Variants in NAV3 observed in about 807,000 individuals in gnomAD.
NAV3 encodes pore membrane and/or filament interacting like protein 1.
A neutral mutation model predicts 244.7 loss-of-function variants in NAV3; 87 were observed. The ratio of observed to expected loss-of-function variants is 0.36; its 90% CI spans 0.30 to 0.42. The LOEUF is 0.42. Among genes scored for constraint, NAV3 ranks in the 20% least tolerant of loss-of-function variants. NAV3 has a pLI of 1.00. For synonymous variants in NAV3, 1,126 were observed against 1,042.2 expected (o/e 1.08, Z -1.55); for missense variants, 2,663 against 2,893.3 (o/e 0.92, Z 1.83).
At chr12:77,892,668 G>T (rs995631406) in intron 1 of NAV3, among the ~76,000 whole-genome samples, 1 of 152,094 alleles carries the variant, frequency 6.6e-6, no homozygotes, top group East Asian at 1.9e-4. Context: ...ACCCACCTTG[G>T]CCTCTCAACG....
intron 2 of NAV3, among the ~76,000 whole-genome samples, chr12:77,750,995 C>T (rs1276675942): frequency 6.6e-6 from 1 of 152,172 alleles, no homozygotes; most frequent in Non-Finnish European, 1.5e-5. Flanking sequence ...TCACAACTAA[C>T]TGTGAGAATT....
At position 78,007,113 on chromosome 12, in the gene NAV3, T is replaced by G; in HGVS notation, c.1575T>G (p.Ser525Arg). 6.2e-7 allele frequency: 1 copy of G among 1,614,074 alleles called. No individual in the cohort carries two copies. The highest frequency in any genetic ancestry group is 8.5e-7 in the Non-Finnish European group (1 of 1,180,024). ...AGGAAAGCTTAATTCCGTCTTCCAG[T>G]GGTATTCCAAAACCAGGCTCTAAAG... ...AKKESLIPSS[S>R]GIPKPGSKVP... Residue 525 changes from serine to arginine, a missense_variant, in exon 8 of 40, where the codon AGT becomes AGG. Ser to Arg is a moderately radical substitution (Grantham distance 110). Around this residue, in one of 6 missense-constraint regions of NAV3, gnomAD observed 1,521 missense variants for 1,497.0 expected, o/e 1.02. Coordinates refer to ENST00000397909, the MANE Select transcript of NAV3 (RefSeq NM_001024383.2).
In NAV3 at chr12:77,927,510, C is replaced by T. The variant is rs190279679; in HGVS notation, c.244-12809C>T. ...GTTTTAGAATCTTCATCTTTAAAAA[C>T]GGAATAGTGGTACCTTCCTCTTAGG... On this transcript the variant is annotated intron_variant, in intron 1 of 39. Transcript: ENST00000397909. Among the ~76,000 whole-genome samples the T allele has an allele frequency of 5.3e-5, 8 of 152,284 alleles. No individual in the cohort carries two copies. The East Asian group carries it at 1.2e-3, about 22-fold the overall frequency.
At chr12:77,616,329 T>A (rs111379775) in intron 2 of NAV3, among the ~76,000 whole-genome samples, 6,122 of 152,002 alleles carry the variant, frequency 0.04, 239 homozygotes, top group African/African-American at 0.1. Flanking sequence ...ATCACTTGAA[T>A]AGGGAGGCAG....
At chr12:77,977,811 G>A (rs1868789128) in intron 5 of NAV3, among the ~76,000 whole-genome samples, 1 of 151,630 alleles carries the variant, frequency 6.6e-6, no homozygotes, top group Admixed American at 6.6e-5. Flanking sequence ...CTGAAAGTCT[G>A]GTAAAAGTTG....
At chr12:77,957,555 C>A (rs1891478903) in intron 3 of NAV3, among the ~76,000 whole-genome samples, 1 of 152,110 alleles carries the variant, frequency 6.6e-6, no homozygotes, top group South Asian at 2.1e-4. Context: ...TGCTAAAAGG[C>A]TGGCTGTAAT....
intron 1 of NAV3, among the ~76,000 whole-genome samples, chr12:77,866,202 A>C (rs1879994083): frequency 6.6e-6 from 1 of 152,240 alleles, no homozygotes; most frequent in African/African-American, 2.4e-5. Flanking sequence ...AAATTGATAA[A>C]ATATAAATAG....
chr12:78,180,760 A>C, intron 29 of NAV3, 111 bp from the exon 30 acceptor site: 1 of 845,624 alleles, frequency 1.2e-6, no homozygotes. Flanking sequence ...TATTTAACAT[A>C]TTAACATGTT....
intron 11 of NAV3, among the ~76,000 whole-genome samples, chr12:78,053,875 T>C (rs1883119061): frequency 6.6e-6 from 1 of 152,228 alleles, no homozygotes; most frequent in Non-Finnish European, 1.5e-5. Flanking sequence ...TGTGGCTACA[T>C]ATAAATTTTA....
At chr12:78,108,674 T>A (rs919819128) in intron 12 of NAV3, among the ~76,000 whole-genome samples, 8 of 152,074 alleles carry the variant, frequency 5.3e-5, no homozygotes, top group Non-Finnish European at 1.2e-4. Flanking sequence ...ACTATACAAA[T>A]ACATGCAGAT....
At chr12:77,883,554 A>G (rs1165661665) in intron 1 of NAV3, among the ~76,000 whole-genome samples, 1 of 152,154 alleles carries the variant, frequency 6.6e-6, no homozygotes, top group Non-Finnish European at 1.5e-5. Flanking sequence ...ATACACATGT[A>G]ACAAACCTGC....
chr12:77,932,983 T>C (rs1172887515), intron 1 of NAV3, among the ~76,000 whole-genome samples: 1 of 152,220 alleles, frequency 6.6e-6, no homozygotes, highest in East Asian at 1.9e-4. Flanking sequence ...CTTCTGATTG[T>C]CAAATCTCAT....
chr12:77,985,064 C>T (rs150461159), intron 5 of NAV3, among the ~76,000 whole-genome samples: 6 of 152,270 alleles, frequency 3.9e-5, no homozygotes, highest in East Asian at 1.9e-4. Flanking sequence ...GATCCAGCCA[C>T]CTAGGCCTCC....
At chr12:77,897,718 G>A (rs1228191235) in intron 1 of NAV3, among the ~76,000 whole-genome samples, 2 of 151,622 alleles carry the variant, frequency 1.3e-5, no homozygotes, top group African/African-American at 4.8e-5. Context: ...TCTTTTAGGG[G>A]TGGGGATTGT....
chr12:78,103,908 A>G (rs1954668350), intron 12 of NAV3, among the ~76,000 whole-genome samples: 1 of 152,196 alleles, frequency 6.6e-6, no homozygotes, highest in Admixed American at 6.5e-5. Flanking sequence ...ACAGAGCCAA[A>G]CTATATCACA....
chr12:78,162,249 G>T (rs1957574774), intron 23 of NAV3, among the ~76,000 whole-genome samples: 2 of 152,090 alleles, frequency 1.3e-5, no homozygotes, highest in African/African-American at 4.8e-5. Flanking sequence ...ACAATCCTGA[G>T]AAAAGGCTTG....
chr12:77,858,994 G>A (rs905134958), intron 1 of NAV3, among the ~76,000 whole-genome samples: 7 of 152,020 alleles, frequency 4.6e-5, no homozygotes, highest in African/African-American at 1.7e-4. Flanking sequence ...GACTGGCATT[G>A]CAGGTTGGCA....
chr12:77,912,085 T>A (rs1416360248), intron 1 of NAV3, among the ~76,000 whole-genome samples: 1 of 152,134 alleles, frequency 6.6e-6, no homozygotes, highest in Admixed American at 6.6e-5. Flanking sequence ...TAATGTAAAT[T>A]TCCTGGCATA....
At chr12:77,613,035 C>T (rs754781101) in intron 2 of NAV3, among the ~76,000 whole-genome samples, 2 of 152,130 alleles carry the variant, frequency 1.3e-5, no homozygotes, top group Non-Finnish European at 2.9e-5. Context: ...GCCTCCCCAA[C>T]CATGCTGAAC....
Sources: gnomAD v4.1 joint callset for allele counts (sites outside exome capture counted in the v4.1 genomes callset) on GRCh38, gnomAD v4.1.1 for gene constraint, gnomAD v4.1.1 regional missense constraint, MANE v1.5 for transcripts, NCBI Gene and HGNC (gene_info 2026-07-23, HGNC 2026-07-21) for gene names.